KLHDC7B: variants seen among roughly 807,000 people sequenced by gnomAD.
KLHDC7B encodes kelch domain-containing protein 7B.
A neutral mutation model predicts 0.6 loss-of-function variants in KLHDC7B; 1 was observed. The observed-to-expected ratio is 1.71, with a 90% confidence interval of 0.61 to 8.11. The LOEUF (loss-of-function observed/expected upper bound fraction) is 8.11, where lower values mean the gene tolerates loss of function less well. KLHDC7B is among the 30% of genes most tolerant of loss of function. The probability of loss-of-function intolerance (pLI) is 0.13; values close to 1 mark genes in which losing one functional copy is unlikely to be tolerated. For synonymous variants in KLHDC7B, 462 were observed against 405.2 expected (o/e 1.14, Z -1.68); for missense variants, 993 against 894.9 (o/e 1.11, Z -1.40).
At position 50,546,406 on chromosome 22, in the gene KLHDC7B, G is replaced by A. The variant is rs983941170; in HGVS notation, c.163G>A (p.Ala55Thr). 1.3e-5 allele frequency: 5 copies of A among 399,238 alleles called. No homozygotes were observed. The highest frequency in any genetic ancestry group is 3.6e-5 in the East Asian group (1 of 28,094). 24.7% of individuals were successfully genotyped at this position (399,238 alleles called of 1,614,324 possible). Reference protein sequence around the residue: ...WFGSGHDQEAAEPVSTALGAQ... With the variant: ...WFGSGHDQEATEPVSTALGAQ... ...TGGCTCCGGGCACGATCAAGAGGCG[G>A]CAGAACCGGTGTCCACAGCCCTCGG... Residue 55 changes from alanine (A) to threonine (T), a missense_variant, in exon 1 of 1, where the codon GCA (alanine) becomes ACA (threonine). Coordinates refer to ENST00000648057, the MANE Select transcript of KLHDC7B (RefSeq NM_138433.5).
rs2069754846 is a variant in KLHDC7B at position 50,548,132 on chromosome 22, G to A, written c.1889G>A (p.Gly630Glu). Residue 630 changes from glycine (G) to glutamate (E), a missense_variant, in exon 1 of 1, where the codon GGG (glycine) becomes GAG (glutamate). Physicochemically the swap from Gly to Glu is moderately conservative, Grantham distance 98. Coordinates refer to ENST00000648057, the MANE Select transcript of KLHDC7B (RefSeq NM_138433.5). The surrounding 1 kb of genome is among the most constrained non-coding windows in gnomAD (Gnocchi z 5.3). ...GCTCTCCCCAGGCGCTACCAGGAGG[G>A]GCAGGTCTCAGCCAGCTGGGGAAAC... ...SVALPRRYQEGQVSASWGNLI... is the reference protein window; with the variant it reads ...SVALPRRYQEEQVSASWGNLI... The A allele has an allele frequency of 6.8e-7, 1 of 1,468,174 alleles. No homozygotes were observed. Among genetic ancestry groups the A allele is most frequent in the Admixed American group, 2.3e-5 (1 of 42,680 alleles). 90.9% of individuals were successfully genotyped at this position (1,468,174 alleles called of 1,614,324 possible).
chr22:50,549,906 C>A lies in KLHDC7B; in HGVS notation c.3663C>A (p.Phe1221Leu). Residue 1221 changes from phenylalanine (F) to leucine (L), a missense_variant, in exon 1 of 1, where the codon TTC becomes TTA. Physicochemically the swap from Phe to Leu is conservative, Grantham distance 22 (BLOSUM62 0). Transcript: ENST00000648057. ...GGAGCACCGGGGTCCTCAGTCCATT[C>A]ATCCTGACTCTGCCCCCTGAGGACC... ...PLGSTGVLSP[F>L]ILTLPPEDRL... 4 of 1,588,754 alleles carry A rather than the reference C, an allele frequency of 2.5e-6. No individual in the cohort carries two copies. The highest frequency in any genetic ancestry group is 1.1e-5 in the South Asian group (1 of 88,412).
Position 50,549,873 on chromosome 22 carries a change from C to A in KLHDC7B, c.3630C>A (p.Phe1210Leu). 1 of 1,587,208 alleles carries A rather than the reference C, an allele frequency of 6.3e-7. No homozygotes were observed. Residue 1210 changes from phenylalanine to leucine, a missense_variant, in exon 1 of 1, where the codon TTC becomes TTA. Transcript: ENST00000648057. ...TCCAGGCCAAGGAGCTGCAGCCCTT[C>A]CCCTTGGGGAGCACCGGGGTCCTCA... ...AQFQAKELQP[F>L]PLGSTGVLSP...
Position 50,546,582 on chromosome 22 carries a change from C to A in KLHDC7B, c.339C>A (p.Gly113=), listed in dbSNP as rs900874442. 4 of 397,992 alleles carry A rather than the reference C, an allele frequency of 1.0e-5. No homozygotes were observed. Among genetic ancestry groups the A allele is most frequent in the Admixed American group, 4.4e-5 (1 of 22,700 alleles). The allele number at this position is 397,992 out of a possible 1,614,324, so 24.7% of individuals were successfully genotyped here. Residue 113 remains glycine, a synonymous_variant, in exon 1 of 1, where the codon GGC becomes GGA. Transcript: ENST00000648057. ...GCCCTGTCCCTGCTGCAGCGCCGGG[C>A]GGGGGCCTGGCCGCCATGGCCCGGC... ...QQSPVPAAAP[G]GGLAAMARLP... is the part of the protein sequence containing the mutation.
chr22:50,549,932 G>A lies in KLHDC7B; in HGVS notation c.3689G>A (p.Arg1230Gln), dbSNP rs747389640. The A allele has an allele frequency of 1.9e-5, 30 of 1,572,506 alleles. No individual in the cohort carries two copies. Among genetic ancestry groups the A allele is most frequent in the Middle Eastern group, 1.7e-4 (1 of 5,946 alleles). ...ATCCTGACTCTGCCCCCTGAGGACC[G>A]GCTGCAGACCTCACTCTGAGTGGCA... Reference protein sequence around the residue: ...PFILTLPPEDRLQTSL With the variant: ...PFILTLPPEDQLQTSL Residue 1230 changes from arginine to glutamine, a missense_variant, in exon 1 of 1, where the codon CGG (arginine) becomes CAG (glutamine). Transcript: ENST00000648057.
chr22:50,549,074 C>T lies in KLHDC7B; in HGVS notation c.2831C>T (p.Pro944Leu). The change falls in exon 1 of 1, where the codon CCT becomes CTT. Residue 944 changes from proline to leucine, a missense_variant. Physicochemically the swap from Pro to Leu is moderately conservative, Grantham distance 98. Coordinates refer to ENST00000648057, the MANE Select transcript of KLHDC7B (RefSeq NM_138433.5). ...GGCCGCTCAGGGCTCCCCAGGGGCCCTCGTGGCGAGGAGCCTCCTGCGGCG... is the reference window on the plus strand; with the variant it reads ...GGCCGCTCAGGGCTCCCCAGGGGCCTTCGTGGCGAGGAGCCTCCTGCGGCG... ...QGGRSGLPRG[P>L]RGEEPPAAAP... 1.9e-6 allele frequency: 3 copies of T among 1,600,046 alleles called. No individual in the cohort carries two copies. The highest frequency in any genetic ancestry group is 1.7e-6 in the Non-Finnish European group (2 of 1,179,320).
rs779871646 is a variant in KLHDC7B, at chr22:50,549,671, G to C, written c.3428G>C (p.Arg1143Pro). The change falls in exon 1 of 1, where the codon CGG becomes CCG. Residue 1143 changes from arginine (R) to proline (P), a missense_variant. Coordinates refer to ENST00000648057, the MANE Select transcript of KLHDC7B (RefSeq NM_138433.5). ...TTCCTGTACCGCTTCGACCTGCTGC[G>C]GGGCGTGGGCGCCGCCGTGATGCGC... ...GGFLYRFDLL[R>P]GVGAAVMRYN... 7.1e-6 allele frequency: 11 copies of C among 1,554,154 alleles called. No individual in the cohort carries two copies. The highest frequency in any genetic ancestry group is 3.6e-5 in the South Asian group (3 of 82,284).
In KLHDC7B at chr22:50,548,183, AC is replaced by A; in HGVS notation, c.21del (p.Phe8SerfsTer42). On this transcript the variant is annotated frameshift_variant, in exon 1 of 1. Coordinates refer to the KLHDC7B transcript ENST00000395676. LOFTEE classifies it low-confidence loss of function (END_TRUNC). This position sits in a 1 kb window ranked among gnomAD's most constrained non-coding sequence, Gnocchi z 5.3. The stretch of plus-strand genomic sequence containing the variant: ...CTTATTGCCATGGTTCTTAGAAGCC[AC>A]CCCTTCCCCAGGCAAGACAGGCCCC... 2.0e-6 allele frequency: 3 copies of A among 1,522,652 alleles called. No individual in the cohort carries two copies. Among genetic ancestry groups the A allele is most frequent in the Non-Finnish European group, 2.7e-6 (3 of 1,130,124 alleles). The allele number at this position is 1,522,652 out of a possible 1,614,324, so 94.3% of individuals were successfully genotyped here.
rs749185319 is a variant in KLHDC7B, at chr22:50,549,577, G to A, written c.3334G>A (p.Asp1112Asn). The change falls in exon 1 of 1, where the codon GAT (aspartate) becomes AAT (asparagine). Residue 1112 changes from aspartate (D) to asparagine (N), a missense_variant. By Grantham distance (23) the Asp-to-Asn change is conservative. Transcript: ENST00000648057. Reference protein sequence around the residue: ...YRLLRYSPVKDAWDECPYSAS... With the variant: ...YRLLRYSPVKNAWDECPYSAS... ...CCTGCTCAGGTACAGCCCCGTGAAG[G>A]ATGCTTGGGACGAGTGCCCATACAG... is the stretch of plus-strand genomic sequence containing the variant. 3.2e-6 allele frequency: 5 copies of A among 1,577,322 alleles called. No individual in the cohort carries two copies. Among genetic ancestry groups the A allele is most frequent in the African/African-American group, 1.3e-5 (1 of 74,284 alleles).
rs1320762960 is a variant in KLHDC7B, at chr22:50,549,655, C to T, written c.3412C>T (p.Arg1138Cys). Residue 1138 changes from arginine to cysteine, a missense_variant, in exon 1 of 1, where the codon CGC becomes TGC. Coordinates refer to ENST00000648057, the MANE Select transcript of KLHDC7B (RefSeq NM_138433.5). ...DIVALGGFLYRFDLLRGVGAA... is the reference protein window; with the variant it reads ...DIVALGGFLYCFDLLRGVGAA... ...CGTGGCACTGGGGGGCTTCCTGTAC[C>T]GCTTCGACCTGCTGCGGGGCGTGGG... 3 of 1,556,332 alleles carry T rather than the reference C, an allele frequency of 1.9e-6. No individual in the cohort carries two copies. Among genetic ancestry groups the T allele is most frequent in the African/African-American group, 1.4e-5 (1 of 73,828 alleles).
Position 50,549,004 on chromosome 22 carries a change from C to T in KLHDC7B, c.2761C>T (p.Arg921Trp), listed in dbSNP as rs978733769. 4 of 1,596,550 alleles carry T rather than the reference C, an allele frequency of 2.5e-6. No homozygotes were observed. The highest frequency in any genetic ancestry group is 3.4e-6 in the Non-Finnish European group (4 of 1,175,418). ...CCTCAGCCTGCGGACCGGCCGGGGC[C>T]GGGCGGTGCTGGGCGTCCTCGTACT... Reference protein sequence around the residue: ...RILSLRTGRGRAVLGVLVLPS... With the variant: ...RILSLRTGRGWAVLGVLVLPS... Residue 921 changes from arginine to tryptophan, a missense_variant, in exon 1 of 1, where the codon CGG becomes TGG. Arg to Trp is a moderately radical substitution (Grantham distance 101, BLOSUM62 -3). Coordinates refer to ENST00000648057, the MANE Select transcript of KLHDC7B (RefSeq NM_138433.5).
Position 50,549,775 on chromosome 22 carries a change from C to T in KLHDC7B, c.3532C>T (p.Leu1178=). The change falls in exon 1 of 1, where the codon CTG becomes TTG. Residue 1178 remains leucine, a synonymous_variant. Coordinates refer to ENST00000648057, the MANE Select transcript of KLHDC7B (RefSeq NM_138433.5). ...PAPAPLHCTT[L]GNTIYCLNPQ... ...CCCCGCCCCACTGCACTGCACCACC[C>T]TGGGCAACACCATTTACTGCCTCAA... is the stretch of plus-strand genomic sequence containing the variant. 6.2e-7 allele frequency: 1 copy of T among 1,601,174 alleles called. No individual in the cohort carries two copies.
At position 50,549,528 on chromosome 22, in the gene KLHDC7B, C is replaced by T. The variant is rs202235191; in HGVS notation, c.3285C>T (p.Val1095=). 27 of 1,606,236 alleles carry T rather than the reference C, an allele frequency of 1.7e-5. 1 individual carries two copies. The highest frequency in any genetic ancestry group is 8.5e-7 in the Non-Finnish European group (1 of 1,175,668). The change falls in exon 1 of 1, where the codon GTC becomes GTT. Residue 1095 remains valine, a synonymous_variant. Coordinates refer to ENST00000648057, the MANE Select transcript of KLHDC7B (RefSeq NM_138433.5). ...TGGCCTGCCGTGGGGACATCTACGT[C>T]ACCGGGGGTCACCTCTTCTACCGCC... ...EAVACRGDIY[V]TGGHLFYRLL...
Position 50,547,674 on chromosome 22 carries a change from C to T in KLHDC7B, c.1431C>T (p.Ala477=). ...CCCAAGTCTTAACTTCAGCTCCAGC[C>T]TCAGTCCTAGCCCCAGCCCTGGCTT... ...ASAQVLTSAP[A]SVLAPALASS... is the part of the protein sequence containing the mutation. The change falls in exon 1 of 1, where the codon GCC becomes GCT. Residue 477 remains alanine, a synonymous_variant. Coordinates refer to ENST00000648057, the MANE Select transcript of KLHDC7B (RefSeq NM_138433.5). 1 of 417,026 alleles carries T rather than the reference C, an allele frequency of 2.4e-6. No individual in the cohort carries two copies. The highest frequency in any genetic ancestry group is 2.0e-5 in the African/African-American group (1 of 48,872). The allele number at this position is 417,026 out of a possible 1,614,324, so 25.8% of individuals were successfully genotyped here.
chr22:50,547,600 TC>T (rs2069745793), upstream of KLHDC7B: 1 of 402,182 alleles, frequency 2.5e-6, no homozygotes, highest in African/African-American at 2.1e-5. Flanking sequence ...CCAGGATCCT[TC>T]CGTGGGCGAA....
In KLHDC7B at chr22:50,548,393, C is replaced by G; in HGVS notation, c.2150C>G (p.Pro717Arg). 6.4e-7 allele frequency: 1 copy of G among 1,555,246 alleles called. No individual in the cohort carries two copies. The highest frequency in any genetic ancestry group is 8.7e-7 in the Non-Finnish European group (1 of 1,149,140). The change falls in exon 1 of 1, where the codon CCA becomes CGA. Residue 717 changes from proline (P) to arginine (R), a missense_variant. Physicochemically the swap from Pro to Arg is moderately radical, Grantham distance 103. Coordinates refer to ENST00000648057, the MANE Select transcript of KLHDC7B (RefSeq NM_138433.5). This position sits in a 1 kb window ranked among gnomAD's most constrained non-coding sequence, Gnocchi z 5.3. ...TCCGAGACCAACGGATCGCCCAGCCCAGACCCTCCCCCAGGCCTAAGAGGA... is the reference window on the plus strand; with the variant it reads ...TCCGAGACCAACGGATCGCCCAGCCGAGACCCTCCCCCAGGCCTAAGAGGA... ...RSSETNGSPS[P>R]DPPPGLRGEG...
chr22:50,547,500 C>T lies in KLHDC7B; in HGVS notation c.1257C>T (p.Ser419=), dbSNP rs936725241. ...GGAGCCGTGAGCCTCGCCCGCGCTC[C>T]GCCTCCCCGCCCGCAGCTCCCGGCC... ...PSRSREPRPR[S]ASPPAAPGPG... is the part of the protein sequence containing the mutation. The change falls in exon 1 of 1, where the codon TCC becomes TCT. Residue 419 remains serine, a synonymous_variant. Transcript: ENST00000648057. The T allele has an allele frequency of 1.3e-5, 5 of 395,450 alleles. No homozygotes were observed. The highest frequency in any genetic ancestry group is 4.4e-5 in the Admixed American group (1 of 22,590). 24.5% of individuals were successfully genotyped at this position (395,450 alleles called of 1,614,324 possible).
chr22:50,548,131 G>C lies in KLHDC7B; in HGVS notation c.1888G>C (p.Gly630Arg), dbSNP rs1251070794. 7 of 1,467,604 alleles carry C rather than the reference G, an allele frequency of 4.8e-6. No homozygotes were observed. The highest frequency in any genetic ancestry group is 1.4e-5 in the South Asian group (1 of 72,414). 90.9% of individuals were successfully genotyped at this position (1,467,604 alleles called of 1,614,324 possible). Residue 630 changes from glycine to arginine, a missense_variant, in exon 1 of 1, where the codon GGG becomes CGG. Physicochemically the swap from Gly to Arg is moderately radical, Grantham distance 125 (BLOSUM62 -2). Transcript: ENST00000648057. This position sits in a 1 kb window ranked among gnomAD's most constrained non-coding sequence, Gnocchi z 5.3. Reference protein sequence around the residue: ...SVALPRRYQEGQVSASWGNLI... With the variant: ...SVALPRRYQERQVSASWGNLI... ...GGCTCTCCCCAGGCGCTACCAGGAG[G>C]GGCAGGTCTCAGCCAGCTGGGGAAA... is the stretch of plus-strand genomic sequence containing the variant.
At position 50,546,525 on chromosome 22, in the gene KLHDC7B, G is replaced by A. The variant is rs1206510109; in HGVS notation, c.282G>A (p.Gly94=). The change falls in exon 1 of 1, where the codon GGG becomes GGA. Residue 94 remains glycine (G), a synonymous_variant. Transcript: ENST00000648057. ...DGSEGQSPGQ[G]KPEPPGRGQQ... ...GCGAGGGGCAGAGCCCAGGGCAGGG[G>A]AAACCAGAGCCCCCAGGACGCGGCC... 2.5e-6 allele frequency: 1 copy of A among 399,000 alleles called. No homozygotes were observed. Among genetic ancestry groups the A allele is most frequent in the Non-Finnish European group, 4.4e-6 (1 of 226,158 alleles). The allele number at this position is 399,000 out of a possible 1,614,324, so 24.7% of individuals were successfully genotyped here. A position where few individuals can be genotyped will look rare whatever the true frequency, so the allele number is the denominator to read the frequency against.
Sources: gnomAD v4.1 joint callset for allele counts on GRCh38, gnomAD v4.1.1 for gene constraint, Gnocchi (gnomAD v3.1) non-coding constraint, MANE v1.5 for transcripts, NCBI Gene and HGNC (gene_info 2026-07-23, HGNC 2026-07-21) for gene names.